Variants in CFAP410 observed in about 807,000 individuals in gnomAD.
CFAP410 encodes the protein cilia- and flagella-associated protein 410.
CFAP410 carries 27 observed loss-of-function variants against 25.7 expected under a neutral mutation model. The observed-to-expected ratio is 1.05, with a 90% CI of 0.77 to 1.45. The LOEUF (loss-of-function observed/expected upper bound fraction) is 1.45. CFAP410 is among the 40% of genes most tolerant of loss of function. The pLI is 0.00. For synonymous variants in CFAP410, 178 were observed against 158.4 expected (o/e 1.12, Z -0.93); for missense variants, 428 against 354.1 (o/e 1.21, Z -1.67).
chr21:44,333,412 G>C (rs2047689744), intron 3 of CFAP410, 150 bp from the exon 4 acceptor site: 2 of 654,276 alleles, frequency 3.1e-6, no homozygotes, highest in East Asian at 5.5e-5. Flanking sequence ...GTCACGTGCA[G>C]CAGGACCTGG....
intron 3 of CFAP410, chr21:44,333,704 C>G: frequency 3.4e-6 from 1 of 295,058 alleles, no homozygotes; most frequent in East Asian, 9.0e-5. Flanking sequence ...CTTCCAAACC[C>G]CCACTTGAGG....
At chr21:44,330,434 C>T (rs754188529) in intron 6 of CFAP410, 108 bp from the exon 7 acceptor site, 12 of 1,549,104 alleles carry the variant, frequency 7.7e-6, no homozygotes, top group Middle Eastern at 1.7e-4. Flanking sequence ...CGACTGGTCC[C>T]GGGGGTGTGG....
chr21:44,332,134 T>C (rs2047662193), intron 4 of CFAP410, 120 bp from the exon 5 acceptor site: 2 of 762,240 alleles, frequency 2.6e-6, no homozygotes, highest in Non-Finnish European at 4.1e-6. Context: ...TGCATGCACG[T>C]GTATCCACCT....
At position 44,330,262 on chromosome 21, in the gene CFAP410, T is replaced by C. The variant is rs11552066; in HGVS notation, c.707A>G (p.Gln236Arg). The change falls in exon 7 of 7, where the codon CAG becomes CGG. Residue 236 changes from glutamine (Q) to arginine (R), a missense_variant. Transcript: ENST00000339818. ...ELDAEGLEAV[Q>R]QTVGSRLQAL... ...CTGCAGCCGGCTGCCCACAGTCTGC[T>C]GCACGGCCTCCAGCCCCTCTGCATC... is the stretch of plus-strand genomic sequence containing the variant. 0.11 allele frequency: 172,404 copies of C among 1,602,162 alleles called. 9,802 individuals are homozygous for C. The highest frequency in any genetic ancestry group is 0.15 in the Admixed American group (8,715 of 58,782).
At chr21:44,337,538 G>T (rs1225942159) in intron 2 of CFAP410, 111 bp downstream of exon 2, 1 of 868,304 alleles carries the variant, frequency 1.2e-6, no homozygotes, top group Non-Finnish European at 1.9e-6. Context: ...TGAATTGATA[G>T]GTGCAGTTTT....
At chr21:44,334,519 C>CCCCCCTCAACCTCTGGGCGGGCCCGCG in intron 3 of CFAP410, 1 of 147,876 alleles carries the variant, frequency 6.8e-6, no homozygotes, top group Non-Finnish European at 1.4e-5. Flanking sequence ...GCACGCGCAC[C>CCCCCCTCAACCTCTGGGCGGGCCCGCG]CCCCCCCCCC....
chr21:44,330,913 G>A lies in CFAP410; in HGVS notation c.552C>T (p.Gly184=), dbSNP rs138755532. Residue 184 remains glycine (G), a synonymous_variant, in exon 6 of 7, where the codon GGC becomes GGT. Transcript: ENST00000339818. ...GCTTCAGGCCACGTTCATCCTGGGC[G>A]CCGCTGCTGAGAGGGAGACAAAGGC... ...PLDSEEEATS[G]AQDERGLKPP... 3.2e-4 allele frequency: 510 copies of A among 1,591,100 alleles called. 1 individual carries two copies. Among genetic ancestry groups the A allele is most frequent in the Non-Finnish European group, 3.9e-4 (455 of 1,165,902 alleles).
intron 2 of CFAP410, among the ~76,000 whole-genome samples, chr21:44,336,511 G>A (rs904943454): frequency 5.9e-5 from 9 of 152,142 alleles, no homozygotes; most frequent in African/African-American, 1.9e-4. Context: ...TGAGGTGCCC[G>A]GGGTGGTCCA....
intron 5 of CFAP410, chr21:44,331,568 A>C: frequency 2.2e-6 from 1 of 464,592 alleles, no homozygotes; most frequent in African/African-American, 2.0e-5. Flanking sequence ...TGGTGCTGTG[A>C]GCCTTCTCTG....
chr21:44,338,192 G>C, intron 1 of CFAP410: 1 of 997,948 alleles, frequency 1.0e-6, no homozygotes, highest in Non-Finnish European at 1.3e-6. Context: ...AGATATGCCA[G>C]GGCAGAGAGA....
At chr21:44,334,531 CCCG>C (rs1568989834) in intron 3 of CFAP410, 1 of 24,900 alleles carries the variant, frequency 4.0e-5, no homozygotes, top group African/African-American at 1.5e-4. Flanking sequence ...CCCCCCCCCC[CCCG>C]CTCAACCTCT....
chr21:44,339,155 C>G lies in CFAP410; in HGVS notation c.40G>C (p.Ala14Pro). ...TTGCGCACGCTGTGCAGCTCCGAGG[C>G]CTTGGCCCGGGTCAGAACCATCTTC... is the stretch of plus-strand genomic sequence containing the variant. The part of the protein sequence containing the change: ...TRKMVLTRAK[A>P]SELHSVRKLN... Residue 14 changes from alanine (A) to proline (P), a missense_variant, in exon 1 of 7, where the codon GCC becomes CCC. Coordinates refer to ENST00000339818, the MANE Select transcript of CFAP410 (RefSeq NM_004928.3). The G allele has an allele frequency of 6.8e-7, 1 of 1,474,702 alleles. No individual in the cohort carries two copies. The highest frequency in any genetic ancestry group is 1.5e-5 in the African/African-American group (1 of 68,232). The allele number at this position is 1,474,702 out of a possible 1,614,324, so 91.4% of individuals were successfully genotyped here.
intron 6 of CFAP410, 98 bp from the exon 7 acceptor site, chr21:44,330,424 C>A: frequency 6.4e-7 from 1 of 1,552,410 alleles, no homozygotes; most frequent in Non-Finnish European, 8.7e-7. Context: ...CACCACGGAG[C>A]GACTGGTCCC....
chr21:44,330,676 C>G, intron 6 of CFAP410, 147 bp downstream of exon 6: 1 of 1,548,474 alleles, frequency 6.5e-7, no homozygotes. Context: ...CGCAGCTCCC[C>G]CTGGGGCACA....
intron 5 of CFAP410, 39 bp downstream of exon 5, chr21:44,331,804 G>C (rs2047652060): frequency 6.3e-7 from 1 of 1,594,456 alleles, no homozygotes; most frequent in Non-Finnish European, 8.5e-7. Flanking sequence ...CTGGGGGACA[G>C]GGATGGGCTG....
At position 44,331,925 on chromosome 21, in the gene CFAP410, G is replaced by A; in HGVS notation, c.463C>T (p.Pro155Ser). The change falls in exon 5 of 7, where the codon CCC (proline) becomes TCC (serine). Residue 155 changes from proline (P) to serine (S), a missense_variant. Coordinates refer to ENST00000339818, the MANE Select transcript of CFAP410 (RefSeq NM_004928.3). ...GAGCTCAGTGTGCAGCATAGCTTGGGGCCGCCGTGGCCTGTGCCCTCTCTC... is the reference window on the plus strand; with the variant it reads ...GAGCTCAGTGTGCAGCATAGCTTGGAGCCGCCGTGGCCTGTGCCCTCTCTC... ...PEREGTGHGG[P>S]KLCCTLSSLS... The A allele has an allele frequency of 3.1e-6, 5 of 1,613,470 alleles. No individual in the cohort carries two copies. The South Asian group carries it at 5.5e-5, about 18-fold the overall frequency.
At chr21:44,331,308 C>T (rs1202199472) in intron 5 of CFAP410, 5 of 290,516 alleles carry the variant, frequency 1.7e-5, no homozygotes, top group East Asian at 7.3e-5. Context: ...GCCCCCACCA[C>T]AGGCACCAGC....
intron 5 of CFAP410, 88 bp from the exon 6 acceptor site, chr21:44,331,007 G>T: frequency 8.4e-7 from 1 of 1,193,052 alleles, no homozygotes; most frequent in Non-Finnish European, 1.2e-6. Flanking sequence ...TCGCATCCAA[G>T]CAAAGGAGGG....
intron 5 of CFAP410, 66 bp from the exon 6 acceptor site, chr21:44,330,985 CCT>C (rs1485190685): frequency 2.9e-6 from 4 of 1,383,940 alleles, no homozygotes; most frequent in Admixed American, 2.3e-5. Context: ...CTCTGCAAAC[CCT>C]GTCTGCGGGT....
Sources: gnomAD v4.1 joint callset for allele counts (sites outside exome capture counted in the v4.1 genomes callset) on GRCh38, gnomAD v4.1.1 for gene constraint, MANE v1.5 for transcripts, NCBI Gene and HGNC (gene_info 2026-07-23, HGNC 2026-07-21) for gene names.